Variants in LETM1 observed in about 807,000 individuals in gnomAD.
The protein encoded by LETM1 is mitochondrial proton/calcium exchanger protein.
A neutral mutation model predicts 74.5 loss-of-function variants in LETM1; 50 were observed. The observed-to-expected ratio is 0.67, with a 90% CI of 0.53 to 0.85. The LOEUF (loss-of-function observed/expected upper bound fraction) is 0.85, where lower values mean the gene tolerates loss of function less well. LETM1 is among the 40% of genes least tolerant of loss of function. The pLI, the probability that LETM1 is intolerant of heterozygous loss-of-function variation, is 0.00. For missense variants in LETM1, 824 were observed against 967.8 expected, an observed-to-expected ratio of 0.85 and a Z score of 1.97; for synonymous variants, 446 against 407.1, an observed-to-expected ratio of 1.10 and a Z score of -1.15.
chr4:1,828,243 C>A (rs1712085468), intron 6 of LETM1, among the ~76,000 whole-genome samples: 1 of 136,000 alleles, frequency 7.4e-6, no homozygotes, highest in African/African-American at 2.7e-5. Flanking sequence ...CCCCCCACCT[C>A]CCTCCCGGAC....
At chr4:1,832,022 C>T (rs189345756) in intron 6 of LETM1, among the ~76,000 whole-genome samples, 37 of 152,280 alleles carry the variant, frequency 2.4e-4, no homozygotes, top group East Asian at 2.3e-3. Flanking sequence ...AGTAACCAGC[C>T]GGACACAGTG....
intron 1 of LETM1, among the ~76,000 whole-genome samples, chr4:1,852,758 C>G (rs909077939): frequency 2.6e-5 from 4 of 152,150 alleles, no homozygotes; most frequent in Admixed American, 2.0e-4. Flanking sequence ...GTTAAAACAT[C>G]AGCTGGCAGG....
At position 1,841,373 on chromosome 4, in the gene LETM1, T is replaced by G; in HGVS notation, c.568A>C (p.Ser190Arg). ...RMLWRILNGH[S>R]LTRRERRQFL... ...TGCCTGCGCTCCCGGCGGGTCAGGC[T>G]GTGGCCGTTGAGGATGCGCCAGAGC... The change falls in exon 3 of 14, where the codon AGC (serine) becomes CGC (arginine). Residue 190 changes from serine (S) to arginine (R), a missense_variant. Ser to Arg is a moderately radical substitution (Grantham distance 110). Transcript: ENST00000302787. 1 of 1,613,464 alleles carries G rather than the reference T, an allele frequency of 6.2e-7. No individual in the cohort carries two copies. The highest frequency in any genetic ancestry group is 8.5e-7 in the Non-Finnish European group (1 of 1,179,540).
At position 1,854,815 on chromosome 4, in the gene LETM1, C is replaced by CA. The variant is rs753144811; in HGVS notation, c.82+1053dup. ...CTTTAAAAACAAACAAACAAACAAA[C>CA]AAAAAAAAACAAGAATTGGGAGGAT... On this transcript the variant is annotated intron_variant, in intron 1 of 13. Transcript: ENST00000302787. Among the ~76,000 whole-genome samples, 434 of 149,596 alleles carry CA rather than the reference C, an allele frequency of 2.9e-3. 2 individuals carry two copies. Among genetic ancestry groups the CA allele is most frequent in the Admixed American group, 2.8e-3 (42 of 14,978 alleles).
At chr4:1,835,024 T>C in intron 4 of LETM1, 42 bp from the exon 5 acceptor site, 1 of 1,596,200 alleles carries the variant, frequency 6.3e-7, no homozygotes, top group Non-Finnish European at 8.6e-7. Flanking sequence ...CTGCTCAGAC[T>C]GTGGTTCGGG....
chr4:1,855,098 G>C (rs1294667470), intron 1 of LETM1, among the ~76,000 whole-genome samples: 2 of 152,146 alleles, frequency 1.3e-5, no homozygotes, highest in Non-Finnish European at 2.9e-5. Context: ...GAGGCAGAAG[G>C]ATAGCTTGAG....
chr4:1,819,364 T>G lies in LETM1; in HGVS notation c.1717A>C (p.Lys573Gln). Reference sequence around the variant, plus strand: ...TCGCTGTAGTCCTGCACATCCTCCTTCAGCAGCTCCAGCTCCTCCTTCTCC... The same window carrying G: ...TCGCTGTAGTCCTGCACATCCTCCTGCAGCAGCTCCAGCTCCTCCTTCTCC... ...TKEKEELELLKEDVQDYSEDL... is the reference protein window; with the variant it reads ...TKEKEELELLQEDVQDYSEDL... The change falls in exon 11 of 14, where the codon AAG becomes CAG. Residue 573 changes from lysine (K) to glutamine (Q), a missense_variant. Transcript: ENST00000302787. 6.2e-7 allele frequency: 1 copy of G among 1,613,300 alleles called. No individual in the cohort carries two copies. The highest frequency in any genetic ancestry group is 8.5e-7 in the Non-Finnish European group (1 of 1,179,818).
Position 1,836,284 on chromosome 4 carries a change from T to G in LETM1, c.738+145A>C, listed in dbSNP as rs1712460629. ...AACAAATCCAAAACCCAGCATCCAC[T>G]AAATAATTATTGCACAGCACAAGGA... is the stretch of plus-strand genomic sequence containing the variant. On this transcript the variant is annotated intron_variant, in intron 4 of 13. Coordinates refer to ENST00000302787, the MANE Select transcript of LETM1 (RefSeq NM_012318.3). This position sits in a 1 kb window ranked among gnomAD's most constrained non-coding sequence, Gnocchi z 5.8. 4.4e-6 allele frequency: 3 copies of G among 681,726 alleles called. No homozygotes were observed. Among genetic ancestry groups the G allele is most frequent in the Non-Finnish European group, 7.4e-6 (3 of 404,344 alleles). 42.2% of individuals were successfully genotyped at this position (681,726 alleles called of 1,614,324 possible). A position where few individuals can be genotyped will look rare whatever the true frequency, so the allele number is the denominator to read the frequency against.
In LETM1 at chr4:1,836,246, C is replaced by A. The variant is rs181725880; in HGVS notation, c.738+183G>T. On this transcript the variant is annotated intron_variant, in intron 4 of 13. Transcript: ENST00000302787. The surrounding 1 kb of genome is among the most constrained non-coding windows in gnomAD (Gnocchi z 5.8). ...AATAAATAAATAAATAAATAAATAA[C>A]GAAATAAAGAGAAACAAATCCAAAA... 1.3e-5 allele frequency among the ~76,000 whole-genome samples: 2 copies of A among 151,900 alleles called. No individual in the cohort carries two copies. The highest frequency in any genetic ancestry group is 2.1e-4 in the South Asian group (1 of 4,804).
At chr4:1,822,515 G>A (rs977662266) in intron 9 of LETM1, 2 of 449,192 alleles carry the variant, frequency 4.5e-6, no homozygotes, top group East Asian at 7.2e-5. Context: ...GAACAGGCTA[G>A]AGCACCTTAT....
intron 6 of LETM1, among the ~76,000 whole-genome samples, chr4:1,828,952 C>G (rs1712142149): frequency 8.8e-6 from 1 of 113,052 alleles, no homozygotes; most frequent in Non-Finnish European, 1.8e-5. Flanking sequence ...AGAGGCGCCC[C>G]TCACCTCCCG....
chr4:1,845,748 T>C (rs778307286), intron 2 of LETM1, among the ~76,000 whole-genome samples: 38 of 152,150 alleles, frequency 2.5e-4, no homozygotes, highest in Non-Finnish European at 4.6e-4. Context: ...AGTTTCGCCA[T>C]GTTGGCCAGG....
At chr4:1,814,921 C>A (rs1246154858) in intron 13 of LETM1, among the ~76,000 whole-genome samples, 1 of 152,182 alleles carries the variant, frequency 6.6e-6, no homozygotes, top group African/African-American at 2.4e-5. Flanking sequence ...CCCACTCTGC[C>A]ACCCAGACTA....
intron 10 of LETM1, among the ~76,000 whole-genome samples, chr4:1,821,525 C>G (rs1243283540): frequency 6.6e-6 from 1 of 151,942 alleles, no homozygotes; most frequent in African/African-American, 2.4e-5. Context: ...CCCCTGTCTA[C>G]TAAAAATACA....
chr4:1,855,987 T>C lies in LETM1; in HGVS notation c.-37A>G. 1 of 1,161,660 alleles carries C rather than the reference T, an allele frequency of 8.6e-7. No individual in the cohort carries two copies. Among genetic ancestry groups the C allele is most frequent in the Non-Finnish European group, 1.1e-6 (1 of 932,588 alleles). The allele number at this position is 1,161,660 out of a possible 1,614,324, so 72.0% of individuals were successfully genotyped here. ...CGGCGGCCGCTCCGGCCTCCTGCGC[T>C]GCCTCCTTCTCCGCGGCGGCCGCGG... On this transcript the variant is annotated 5_prime_UTR_variant, in exon 1 of 14. Coordinates refer to ENST00000302787, the MANE Select transcript of LETM1 (RefSeq NM_012318.3).
intron 2 of LETM1, among the ~76,000 whole-genome samples, chr4:1,844,937 A>T (rs927888050): frequency 6.6e-6 from 1 of 151,374 alleles, no homozygotes; most frequent in Non-Finnish European, 1.5e-5. Context: ...CACGCCTGTA[A>T]TCCTAGCACT....
chr4:1,853,427 C>T (rs1713136059), intron 1 of LETM1, among the ~76,000 whole-genome samples: 1 of 152,240 alleles, frequency 6.6e-6, no homozygotes. Context: ...CAGCATGGAG[C>T]CTCGGCGGGA....
At chr4:1,829,945 T>C (rs993653409) in intron 6 of LETM1, among the ~76,000 whole-genome samples, 9 of 152,240 alleles carry the variant, frequency 5.9e-5, no homozygotes, top group Non-Finnish European at 1.3e-4. Context: ...TTAGTTTGAC[T>C]CTGACGTGAC....
chr4:1,817,496 G>A (rs1231028475), intron 11 of LETM1, among the ~76,000 whole-genome samples: 3 of 152,132 alleles, frequency 2.0e-5, no homozygotes, highest in Admixed American at 2.0e-4. Context: ...AGGAGGTGGA[G>A]GCTGCAGTGA....
Sources: gnomAD v4.1 joint callset for allele counts (sites outside exome capture counted in the v4.1 genomes callset) on GRCh38, gnomAD v4.1.1 for gene constraint, Gnocchi (gnomAD v3.1) non-coding constraint, MANE v1.5 for transcripts, NCBI Gene and HGNC (gene_info 2026-07-23, HGNC 2026-07-21) for gene names.